The following IGF1 variants were observed in gnomAD, a reference collection of about 807,000 sequenced individuals.
IGF1 encodes insulin like growth factor 1.
In IGF1, 4 loss-of-function variants were observed where a neutral mutation model predicts 13.8. The ratio of observed to expected loss-of-function variants is 0.29; its 90% CI spans 0.14 to 0.66. The LOEUF (loss-of-function observed/expected upper bound fraction) is 0.66, where lower values mean the gene tolerates loss of function less well. Among genes scored for constraint, IGF1 ranks in the 30% least tolerant of loss-of-function variants. IGF1 has a pLI of 0.78. For missense variants in IGF1, 124 were observed against 188.5 expected (o/e 0.66, Z 2.00); for synonymous variants, 76 against 72.6 (o/e 1.05, Z -0.23).
In IGF1 at chr12:102,416,298, G is replaced by A. The variant is rs967283068; in HGVS notation, c.402+3211C>T. Among the ~76,000 whole-genome samples the A allele has an allele frequency of 5.3e-5, 8 of 152,272 alleles. No individual in the cohort carries two copies. In the East Asian group the frequency reaches 1.2e-3, roughly 22 times the overall value. ...TCTAATTCACAACTTGGAGGATGGC[G>A]AGAGTTTTTGCTTTATTATCTATGA... is the stretch of plus-strand genomic sequence containing the variant. On this transcript the variant is annotated intron_variant, in intron 3 of 3. Transcript: ENST00000337514.
rs74346890 is a variant in IGF1 at position 102,440,824 on chromosome 12, C to T, written c.221-21134G>A. Among the ~76,000 whole-genome samples, 339 of 152,104 alleles carry T rather than the reference C, an allele frequency of 2.2e-3. 1 individual carries two copies. The highest frequency in any genetic ancestry group is 7.8e-3 in the African/African-American group (322 of 41,478). ...AACATTTTAAGGCTTAAACAAACTGCAATATATTATGATTCTGTGATTTGA... is the reference window on the plus strand; with the variant it reads ...AACATTTTAAGGCTTAAACAAACTGTAATATATTATGATTCTGTGATTTGA... On this transcript the variant is annotated intron_variant, in intron 2 of 3. Coordinates refer to ENST00000337514, the MANE Select transcript of IGF1 (RefSeq NM_000618.5).
chr12:102,430,517 G>A (rs777412045), intron 2 of IGF1, among the ~76,000 whole-genome samples: 1 of 152,154 alleles, frequency 6.6e-6, no homozygotes, highest in Non-Finnish European at 1.5e-5. Flanking sequence ...TTGACTCTGA[G>A]TAGTAGGAGT....
chr12:102,413,341 T>G (rs1251953092), intron 3 of IGF1, among the ~76,000 whole-genome samples: 1 of 152,202 alleles, frequency 6.6e-6, no homozygotes, highest in Non-Finnish European at 1.5e-5. Context: ...AGAATAGATC[T>G]CATCTTGCCC....
intron 2 of IGF1, among the ~76,000 whole-genome samples, chr12:102,438,376 C>T (rs1306851600): frequency 6.6e-6 from 1 of 152,206 alleles, no homozygotes; most frequent in Non-Finnish European, 1.5e-5. Context: ...TCAGCATTCA[C>T]CAAAGAGTTG....
chr12:102,418,800 T>C (rs969270135), intron 3 of IGF1, among the ~76,000 whole-genome samples: 1 of 152,264 alleles, frequency 6.6e-6, no homozygotes, highest in Admixed American at 6.5e-5. Context: ...AGTTGGTACC[T>C]CTGAGGTTTG....
chr12:102,416,101 G>T (rs945973753), intron 3 of IGF1, among the ~76,000 whole-genome samples: 1 of 152,204 alleles, frequency 6.6e-6, no homozygotes, highest in Non-Finnish European at 1.5e-5. Context: ...GGAGTAAAAA[G>T]CATGGCAGAG....
At chr12:102,411,539 T>G (rs1874640061) in intron 3 of IGF1, among the ~76,000 whole-genome samples, 1 of 152,204 alleles carries the variant, frequency 6.6e-6, no homozygotes, top group South Asian at 2.1e-4. Flanking sequence ...GGATCCCAGC[T>G]TGGAAGCTTG....
At chr12:102,441,915 C>CCTTCTTCTT (rs57084343) in intron 2 of IGF1, among the ~76,000 whole-genome samples, 1,283 of 122,150 alleles carry the variant, frequency 0.011, 52 homozygotes, top group African/African-American at 0.037. Context: ...TGCTTCTTCT[C>CCTTCTTCTT]CTTCTTCTTC....
chr12:102,478,703 T>C, intron 1 of IGF1: 1 of 1,274,170 alleles, frequency 7.8e-7, no homozygotes, highest in Non-Finnish European at 1.0e-6. Flanking sequence ...ATGAACAAAT[T>C]GCACAGCTGG....
At chr12:102,440,269 A>T (rs1174307718) in intron 2 of IGF1, among the ~76,000 whole-genome samples, 2 of 152,136 alleles carry the variant, frequency 1.3e-5, no homozygotes, top group Non-Finnish European at 2.9e-5. Context: ...TCCAGCCCCC[A>T]CAGAGAGAGG....
At chr12:102,412,403 C>T (rs186192871) in intron 3 of IGF1, among the ~76,000 whole-genome samples, 7 of 152,152 alleles carry the variant, frequency 4.6e-5, no homozygotes, top group South Asian at 2.1e-4. Context: ...CACACACACA[C>T]GCGCACACAC....
chr12:102,425,079 A>C (rs973154958), intron 2 of IGF1, among the ~76,000 whole-genome samples: 1 of 152,226 alleles, frequency 6.6e-6, no homozygotes, highest in African/African-American at 2.4e-5. Flanking sequence ...TAAGTGAATT[A>C]CTGTAGTACC....
At chr12:102,442,107 G>C (rs1474790305) in intron 2 of IGF1, among the ~76,000 whole-genome samples, 1 of 150,418 alleles carries the variant, frequency 6.6e-6, no homozygotes, top group Non-Finnish European at 1.5e-5. Flanking sequence ...GCATTACCAT[G>C]TCTGGTTAAT....
At chr12:102,420,565 G>A (rs1037151559) in intron 2 of IGF1, among the ~76,000 whole-genome samples, 4 of 152,072 alleles carry the variant, frequency 2.6e-5, no homozygotes, top group East Asian at 1.9e-4. Context: ...ACTATTGACC[G>A]TGTACAGAAG....
At chr12:102,437,056 A>G (rs1352380611) in intron 2 of IGF1, among the ~76,000 whole-genome samples, 3 of 152,218 alleles carry the variant, frequency 2.0e-5, no homozygotes, top group Non-Finnish European at 2.9e-5. Flanking sequence ...TTCTCTTTCT[A>G]GTCACTTCCT....
At position 102,402,309 on chromosome 12, in the gene IGF1, A is replaced by AC; in HGVS notation, c.*197dup. ...TCAACAGCAATCTACCAACTCCAGGACCATTTTTGCAAGGTGCAAATCACT... is the reference window on the plus strand; with the variant it reads ...TCAACAGCAATCTACCAACTCCAGGACCCATTTTTGCAAGGTGCAAATCACT... On this transcript the variant is annotated 3_prime_UTR_variant, in exon 4 of 4. Coordinates refer to ENST00000337514, the MANE Select transcript of IGF1 (RefSeq NM_000618.5). 1 of 605,482 alleles carries AC rather than the reference A, an allele frequency of 1.7e-6. No homozygotes were observed. The highest frequency in any genetic ancestry group is 2.9e-5 in the East Asian group (1 of 34,920). The allele number at this position is 605,482 out of a possible 1,614,324, so 37.5% of individuals were successfully genotyped here.
chr12:102,443,665 C>T (rs1878059819), intron 2 of IGF1, among the ~76,000 whole-genome samples: 1 of 152,008 alleles, frequency 6.6e-6, no homozygotes, highest in African/African-American at 2.4e-5. Flanking sequence ...GCTACTAATG[C>T]CTCCAATGTC....
chr12:102,452,008 A>G (rs1479932713), intron 2 of IGF1, among the ~76,000 whole-genome samples: 1 of 152,116 alleles, frequency 6.6e-6, no homozygotes, highest in East Asian at 1.9e-4. Context: ...CACGCCTGTA[A>G]TCCCAGCACT....
At chr12:102,411,200 C>A (rs1451513477) in intron 3 of IGF1, among the ~76,000 whole-genome samples, 2 of 152,136 alleles carry the variant, frequency 1.3e-5, no homozygotes, top group African/African-American at 4.8e-5. Flanking sequence ...TCATATTTTT[C>A]ATTCCTTCTA....
Sources: allele counts gnomAD v4.1 joint callset (sites outside exome capture counted in the v4.1 genomes callset), GRCh38; gene constraint gnomAD v4.1.1; transcripts MANE v1.5; gene names NCBI Gene and HGNC (gene_info 2026-07-23, HGNC 2026-07-21).